XKR7: variants seen among roughly 807,000 people sequenced by gnomAD.
XKR7 encodes XK-related protein 7.
XKR7 carries 11 observed loss-of-function variants against 42.2 expected under a neutral mutation model. That is an observed-to-expected ratio of 0.26 (90% confidence interval 0.16 to 0.43). The LOEUF (loss-of-function observed/expected upper bound fraction) is 0.43, where lower values mean the gene tolerates loss of function less well. XKR7 is among the 20% of genes least tolerant of loss of function. XKR7 has a pLI of 1.00. For missense variants in XKR7, 710 were observed against 802.2 expected, an observed-to-expected ratio of 0.89 and a Z score of 1.39; for synonymous variants, 346 against 366.4, an observed-to-expected ratio of 0.94 and a Z score of 0.64.
chr20:31,979,970 T>G (rs1032800437), intron 1 of XKR7, among the ~76,000 whole-genome samples: 2 of 152,064 alleles, frequency 1.3e-5, no homozygotes, highest in African/African-American at 4.8e-5. Context: ...GGCCAGAACC[T>G]AGTCCCCAAA....
chr20:31,976,010 A>T (rs2064483096), intron 1 of XKR7, among the ~76,000 whole-genome samples: 2 of 152,216 alleles, frequency 1.3e-5, no homozygotes, highest in African/African-American at 4.8e-5. Context: ...CAAGTCACTT[A>T]ACCTTTCTGG....
Position 31,998,937 on chromosome 20 carries a change from G to A in XKR7, c.*1480G>A, listed in dbSNP as rs2064610183. ...CCCCTCCTCCCACCTAGGACAGCCA[G>A]TGCTGGATTGAGGGGGCGTATGGGA... On this transcript the variant is annotated 3_prime_UTR_variant, in exon 3 of 3. Coordinates refer to ENST00000562532, the MANE Select transcript of XKR7 (RefSeq NM_001011718.2). The A allele has an allele frequency of 6.6e-6, 1 of 152,386 alleles. No individual in the cohort carries two copies. The highest frequency in any genetic ancestry group is 6.5e-5 in the Admixed American group (1 of 15,286). The allele number at this position is 152,386 out of a possible 1,614,324, so 9.4% of individuals were successfully genotyped here. A position where few individuals can be genotyped will look rare whatever the true frequency, so the allele number is the denominator to read the frequency against.
chr20:31,979,863 T>C (rs1486606110), intron 1 of XKR7, among the ~76,000 whole-genome samples: 1 of 151,548 alleles, frequency 6.6e-6, no homozygotes, highest in African/African-American at 2.4e-5. Flanking sequence ...GGGTCCTGGG[T>C]TTTAGTCTCT....
Position 32,000,801 on chromosome 20 carries a change from T to G in XKR7, c.*3344T>G, listed in dbSNP as rs1242571049. 6.6e-6 allele frequency: 1 copy of G among 152,616 alleles called. No individual in the cohort carries two copies. Among genetic ancestry groups the G allele is most frequent in the Non-Finnish European group, 1.5e-5 (1 of 68,338 alleles). The allele number at this position is 152,616 out of a possible 1,614,324, so 9.5% of individuals were successfully genotyped here. A position where few individuals can be genotyped will look rare whatever the true frequency, so the allele number is the denominator to read the frequency against. On this transcript the variant is annotated 3_prime_UTR_variant, in exon 3 of 3. Transcript: ENST00000562532. ...CACACACCCACATCACGGCGCCTCCTGGCACTGATGTGCCATGTGCCTTGT... is the reference window on the plus strand; with the variant it reads ...CACACACCCACATCACGGCGCCTCCGGGCACTGATGTGCCATGTGCCTTGT...
chr20:31,987,942 C>G (rs1325855652), intron 1 of XKR7, among the ~76,000 whole-genome samples: 1 of 152,190 alleles, frequency 6.6e-6, no homozygotes, highest in Non-Finnish European at 1.5e-5. Flanking sequence ...CAGGGCGAGA[C>G]TGACTGACTA....
intron 1 of XKR7, among the ~76,000 whole-genome samples, chr20:31,976,453 C>T (rs546094752): frequency 1.1e-3 from 166 of 152,008 alleles, no homozygotes; most frequent in Middle Eastern, 0.01. Flanking sequence ...GGCTCGATCT[C>T]GGCTCACTGC....
chr20:31,985,247 GC>G lies in XKR7; in HGVS notation c.585-9819del, dbSNP rs2064532303. Among the ~76,000 whole-genome samples the G allele has an allele frequency of 2.0e-5, 3 of 152,292 alleles. No homozygotes were observed. The South Asian group carries it at 6.2e-4, about 32-fold the overall frequency. On this transcript the variant is annotated intron_variant, in intron 1 of 2. Coordinates refer to ENST00000562532, the MANE Select transcript of XKR7 (RefSeq NM_001011718.2). ...GGCCCGCATTGAGACTAGGGAGCTA[GC>G]CAGCATGAGGGTGGTTCCTGGATGG...
chr20:31,972,916 C>A (rs2064470930), intron 1 of XKR7, among the ~76,000 whole-genome samples: 1 of 152,208 alleles, frequency 6.6e-6, no homozygotes, highest in African/African-American at 2.4e-5. Flanking sequence ...AAACTACATT[C>A]TTGGCATAAC....
Position 31,995,771 on chromosome 20 carries a change from A to G in XKR7, c.787+501A>G, listed in dbSNP as rs2064588649. ...CCTCCCAGGCCTAGTCCTGGCACCC[A>G]TCCCCTCCTCCTCCCTACAGGCCCT... On this transcript the variant is annotated intron_variant, in intron 2 of 2. Coordinates refer to ENST00000562532, the MANE Select transcript of XKR7 (RefSeq NM_001011718.2). This position sits in a 1 kb window ranked among gnomAD's most constrained non-coding sequence, Gnocchi z 4.1. Among the ~76,000 whole-genome samples the G allele has an allele frequency of 6.6e-6, 1 of 150,686 alleles. No individual in the cohort carries two copies.
At chr20:31,990,754 T>G (rs928607625) in intron 1 of XKR7, among the ~76,000 whole-genome samples, 4 of 151,598 alleles carry the variant, frequency 2.6e-5, no homozygotes, top group Non-Finnish European at 5.9e-5. Flanking sequence ...GATTCTGTAG[T>G]TTTTCCCTGT....
At chr20:31,981,764 A>C (rs2064514214) in intron 1 of XKR7, among the ~76,000 whole-genome samples, 1 of 152,224 alleles carries the variant, frequency 6.6e-6, no homozygotes, top group Non-Finnish European at 1.5e-5. Flanking sequence ...TCACGTCTCC[A>C]CTTCGTGTCG....
At position 32,000,434 on chromosome 20, in the gene XKR7, C is replaced by T. The variant is rs986825987; in HGVS notation, c.*2977C>T. ...CCACCCTGCCAGGGTCCTTGCAGCCCAGAGGGTCCCTGAGGGTTCCTTAAG... is the reference window on the plus strand; with the variant it reads ...CCACCCTGCCAGGGTCCTTGCAGCCTAGAGGGTCCCTGAGGGTTCCTTAAG... On this transcript the variant is annotated 3_prime_UTR_variant, in exon 3 of 3. Coordinates refer to ENST00000562532, the MANE Select transcript of XKR7 (RefSeq NM_001011718.2). The T allele has an allele frequency of 6.6e-5, 10 of 152,660 alleles. No homozygotes were observed. Among genetic ancestry groups the T allele is most frequent in the African/African-American group, 2.4e-4 (10 of 41,534 alleles). The allele number at this position is 152,660 out of a possible 1,614,324, so 9.5% of individuals were successfully genotyped here.
chr20:31,994,921 C>A, intron 1 of XKR7, 147 bp from the exon 2 acceptor site: 1 of 1,367,714 alleles, frequency 7.3e-7, no homozygotes, highest in Non-Finnish European at 9.7e-7. Context: ...ATAAGGTGAT[C>A]CTTTCGAAAT....
chr20:31,990,278 A>G, intron 1 of XKR7, among the ~76,000 whole-genome samples: 1 of 151,076 alleles, frequency 6.6e-6, no homozygotes, highest in Admixed American at 6.6e-5. Context: ...AGATCCACCT[A>G]CCTCGGCCTC....
intron 2 of XKR7, among the ~76,000 whole-genome samples, chr20:31,996,071 C>G (rs1005655814): frequency 6.6e-6 from 1 of 151,902 alleles, no homozygotes; most frequent in Non-Finnish European, 1.5e-5. Context: ...CTCTCCATGC[C>G]CGGCCTCCTC....
At chr20:31,996,401 T>C in intron 2 of XKR7, 104 bp from the exon 3 acceptor site, 1 of 814,492 alleles carries the variant, frequency 1.2e-6, no homozygotes, top group Non-Finnish European at 1.8e-6. Context: ...TCCTCACGCC[T>C]CTTCAAAACC....
rs1282128869 is a variant in XKR7 at position 31,998,857 on chromosome 20, G to C, written c.*1400G>C. 1.3e-5 allele frequency: 2 copies of C among 152,238 alleles called. No homozygotes were observed. Among genetic ancestry groups the C allele is most frequent in the African/African-American group, 4.8e-5 (2 of 41,458 alleles). The allele number at this position is 152,238 out of a possible 1,614,324, so 9.4% of individuals were successfully genotyped here. On this transcript the variant is annotated 3_prime_UTR_variant, in exon 3 of 3. Transcript: ENST00000562532. ...TAGATCTGATGACTCCCCAGGACCT[G>C]TGGTCTATTCCCATGGCCTGAACAT...
rs556259632 is a variant in XKR7, at chr20:31,995,314, G to T, written c.787+44G>T. The T allele has an allele frequency of 6.5e-7, 1 of 1,531,264 alleles. No individual in the cohort carries two copies. Among genetic ancestry groups the T allele is most frequent in the Non-Finnish European group, 8.7e-7 (1 of 1,145,524 alleles). 94.9% of individuals were successfully genotyped at this position (1,531,264 alleles called of 1,614,324 possible). On this transcript the variant is annotated intron_variant, in intron 2 of 2. Coordinates refer to ENST00000562532, the MANE Select transcript of XKR7 (RefSeq NM_001011718.2). This position sits in a 1 kb window ranked among gnomAD's most constrained non-coding sequence, Gnocchi z 4.1. ...CCTCTGCGCCTGGGACCACCCCACC[G>T]GGCCTTTCTCCCTGCTTCAGGCTCC...
chr20:31,997,524 C>G lies in XKR7; in HGVS notation c.*67C>G. Reference sequence around the variant, plus strand: ...CCACATCCGCCGCAGTGTTGTGCCCCGAATTTCAGGGCCACCAGGCTAAGG... The same window carrying G: ...CCACATCCGCCGCAGTGTTGTGCCCGGAATTTCAGGGCCACCAGGCTAAGG... On this transcript the variant is annotated 3_prime_UTR_variant, in exon 3 of 3. Transcript: ENST00000562532. 7.0e-7 allele frequency: 1 copy of G among 1,422,530 alleles called. No homozygotes were observed. The highest frequency in any genetic ancestry group is 9.4e-7 in the Non-Finnish European group (1 of 1,059,440). 88.1% of individuals were successfully genotyped at this position (1,422,530 alleles called of 1,614,324 possible). A position where few individuals can be genotyped will look rare whatever the true frequency, so the allele number is the denominator to read the frequency against.
Sources: allele counts gnomAD v4.1 joint callset (sites outside exome capture counted in the v4.1 genomes callset), GRCh38; gene constraint gnomAD v4.1.1; non-coding constraint Gnocchi (gnomAD v3.1); transcripts MANE v1.5; gene names NCBI Gene and HGNC (gene_info 2026-07-23, HGNC 2026-07-21).